Variants in CNTLN observed in about 807,000 individuals in gnomAD.
CNTLN encodes centlein.
A neutral mutation model predicts 180.0 loss-of-function variants in CNTLN; 212 were observed. The observed-to-expected ratio is 1.18, with a 90% CI of 1.05 to 1.32. The LOEUF is 1.32. Among genes scored for constraint, CNTLN ranks in the 40% most tolerant of loss-of-function variants. The pLI is 0.00. For missense variants in CNTLN, 2,095 were observed against 1,610.9 expected, an observed-to-expected ratio of 1.30 and a Z score of -5.14; for synonymous variants, 722 against 563.1, an observed-to-expected ratio of 1.28 and a Z score of -3.99.
At chr9:17,381,709 A>G (rs1001842889) in intron 13 of CNTLN, among the ~76,000 whole-genome samples, 3 of 152,186 alleles carry the variant, frequency 2.0e-5, no homozygotes, top group Admixed American at 6.5e-5. Context: ...ATAAACATTT[A>G]TTTCTTGCTC....
chr9:17,334,375 T>A (rs1227979079), intron 10 of CNTLN, among the ~76,000 whole-genome samples: 1 of 151,756 alleles, frequency 6.6e-6, no homozygotes, highest in Non-Finnish European at 1.5e-5. Flanking sequence ...GCATAATTCT[T>A]GAAATTTGTT....
intron 25 of CNTLN, among the ~76,000 whole-genome samples, chr9:17,499,472 T>C (rs1039953863): frequency 2.0e-5 from 3 of 152,230 alleles, no homozygotes; most frequent in African/African-American, 7.2e-5. Flanking sequence ...GAAAAATGTT[T>C]GCTAAATAAA....
chr9:17,159,375 G>A (rs1486380116), intron 2 of CNTLN, among the ~76,000 whole-genome samples: 1 of 152,066 alleles, frequency 6.6e-6, no homozygotes, highest in Non-Finnish European at 1.5e-5. Context: ...ACAATATTAT[G>A]CTTCTCTTTG....
At chr9:17,225,210 C>G (rs1227145469) in intron 2 of CNTLN, among the ~76,000 whole-genome samples, 1 of 151,826 alleles carries the variant, frequency 6.6e-6, no homozygotes, top group African/African-American at 2.4e-5. Context: ...AAGCTTTTTT[C>G]CAGCTTCATT....
In CNTLN at chr9:17,235,789, T is replaced by G. The variant is rs761608773; in HGVS notation, c.666T>G (p.Ile222Met). 1.9e-6 allele frequency: 3 copies of G among 1,604,338 alleles called. No individual in the cohort carries two copies. Among genetic ancestry groups the G allele is most frequent in the African/African-American group, 1.3e-5 (1 of 74,178 alleles). The change falls in exon 4 of 26, where the codon ATT becomes ATG. Residue 222 changes from isoleucine (I) to methionine (M), a missense_variant. Physicochemically the swap from Ile to Met is conservative, Grantham distance 10. Coordinates refer to ENST00000380647, the MANE Select transcript of CNTLN (RefSeq NM_017738.4). ...AATTTAAAGATAAAAGTCAAGAAAT[T>G]AAGGTGTGTTGACTTGTACATAGTT... Reference protein sequence around the residue: ...EKKFKDKSQEIKDTKECVQNK... With the variant: ...EKKFKDKSQEMKDTKECVQNK...
At chr9:17,147,041 T>C (rs1818503749) in intron 2 of CNTLN, among the ~76,000 whole-genome samples, 1 of 152,196 alleles carries the variant, frequency 6.6e-6, no homozygotes, top group South Asian at 2.1e-4. Context: ...CCTTGCTTTA[T>C]ATAGGTATGT....
At chr9:17,482,708 G>A (rs1832712864) in intron 23 of CNTLN, among the ~76,000 whole-genome samples, 1 of 152,116 alleles carries the variant, frequency 6.6e-6, no homozygotes. Context: ...GTGTTGTAAA[G>A]CCTCATTAGT....
intron 13 of CNTLN, among the ~76,000 whole-genome samples, chr9:17,369,558 A>G (rs777819927): frequency 7.2e-5 from 11 of 151,916 alleles, no homozygotes; most frequent in Non-Finnish European, 8.8e-5. Flanking sequence ...TATCAGAGAA[A>G]TTTAACAAAG....
At chr9:17,305,764 G>C (rs1818662621) in intron 7 of CNTLN, among the ~76,000 whole-genome samples, 1 of 152,068 alleles carries the variant, frequency 6.6e-6, no homozygotes, top group African/African-American at 2.4e-5. Flanking sequence ...AATGGCTGGA[G>C]GACTATCTTT....
intron 2 of CNTLN, among the ~76,000 whole-genome samples, chr9:17,199,895 G>T (rs1489710065): frequency 6.6e-6 from 1 of 152,100 alleles, no homozygotes; most frequent in Non-Finnish European, 1.5e-5. Context: ...TTGGTGTATG[G>T]TCATGAAGTC....
At chr9:17,486,587 T>C (rs1034900846) in intron 24 of CNTLN, among the ~76,000 whole-genome samples, 24 of 152,132 alleles carry the variant, frequency 1.6e-4, no homozygotes, top group African/African-American at 5.8e-4. Context: ...GAACAATTAC[T>C]CCTTAGTTAT....
chr9:17,362,705 T>A (rs943947523), intron 12 of CNTLN, among the ~76,000 whole-genome samples: 8 of 152,164 alleles, frequency 5.3e-5, no homozygotes, highest in Admixed American at 2.0e-4. Context: ...TCTTTATTTT[T>A]AATTTTTTTC....
At position 17,342,490 on chromosome 9, in the gene CNTLN, A is replaced by G. The variant is rs1821561516; in HGVS notation, c.1886+46A>G. 3 of 1,526,442 alleles carry G rather than the reference A, an allele frequency of 2.0e-6. No homozygotes were observed. In the African/African-American group the frequency reaches 4.2e-5, roughly 21 times the overall value. The allele number at this position is 1,526,442 out of a possible 1,614,324, so 94.6% of individuals were successfully genotyped here. On this transcript the variant is annotated intron_variant, in intron 12 of 25. Transcript: ENST00000380647. ...TATGGACTTAGATAAAATACTTGGGAGAAATTTTTTCATGGCTTAAAAGCT... is the reference window on the plus strand; with the variant it reads ...TATGGACTTAGATAAAATACTTGGGGGAAATTTTTTCATGGCTTAAAAGCT...
chr9:17,334,986 T>G (rs1397025267), intron 10 of CNTLN, among the ~76,000 whole-genome samples: 1 of 151,996 alleles, frequency 6.6e-6, no homozygotes, highest in African/African-American at 2.4e-5. Flanking sequence ...AGTTCCAGTT[T>G]GAGCCCAAAA....
intron 12 of CNTLN, among the ~76,000 whole-genome samples, chr9:17,342,845 G>A (rs2133220759): frequency 6.6e-6 from 1 of 152,296 alleles, no homozygotes; most frequent in East Asian, 1.9e-4. Flanking sequence ...AGCTCTCTTG[G>A]TTCCCTGCCC....
At chr9:17,396,112 CCTATGTGGT>C (rs988248314) in intron 15 of CNTLN, among the ~76,000 whole-genome samples, 2 of 152,172 alleles carry the variant, frequency 1.3e-5, no homozygotes, top group African/African-American at 4.8e-5. Context: ...AGCAAGTTAC[CCTATGTGGT>C]CTAAAAAGGG....
intron 18 of CNTLN, among the ~76,000 whole-genome samples, chr9:17,439,519 A>G (rs1829984481): frequency 6.6e-6 from 1 of 152,238 alleles, no homozygotes; most frequent in Admixed American, 6.5e-5. Context: ...ATGAAATAAC[A>G]CAGATGGAAA....
intron 2 of CNTLN, among the ~76,000 whole-genome samples, chr9:17,195,428 TC>T (rs1424059153): frequency 1.3e-5 from 2 of 151,836 alleles, no homozygotes; most frequent in African/African-American, 4.9e-5. Context: ...ATTGTTTTTT[TC>T]CTTTTTGATA....
downstream of CNTLN, among the ~76,000 whole-genome samples, chr9:17,505,337 A>C (rs754578263): frequency 2.6e-5 from 4 of 152,102 alleles, no homozygotes; most frequent in Non-Finnish European, 5.9e-5. Context: ...TAATAAGGCA[A>C]GAAAAGGAAA....
Sources: allele counts gnomAD v4.1 joint callset (sites outside exome capture counted in the v4.1 genomes callset), GRCh38; gene constraint gnomAD v4.1.1; transcripts MANE v1.5; gene names NCBI Gene and HGNC (gene_info 2026-07-23, HGNC 2026-07-21).